The following CACUL1 variants were observed in gnomAD, a reference collection of about 807,000 sequenced individuals.
The protein encoded by CACUL1 is CDK2-associated and cullin domain-containing protein 1.
Under a neutral mutation model 45.2 loss-of-function variants are expected in CACUL1, and 13 were observed. The ratio of observed to expected loss-of-function variants is 0.29; its 90% confidence interval spans 0.19 to 0.46. The LOEUF (loss-of-function observed/expected upper bound fraction) is 0.46, where lower values mean the gene tolerates loss of function less well. Among genes scored for constraint, CACUL1 ranks in the 20% least tolerant of loss-of-function variants. CACUL1 has a pLI of 1.00. For missense variants in CACUL1, 421 were observed against 471.4 expected, an observed-to-expected ratio of 0.89 and a Z score of 0.99; for synonymous variants, 197 against 174.2, an observed-to-expected ratio of 1.13 and a Z score of -1.03.
intron 6 of CACUL1, 87 bp from the exon 7 acceptor site, chr10:118,691,490 T>A: frequency 1.6e-6 from 2 of 1,233,572 alleles, no homozygotes; most frequent in Non-Finnish European, 2.3e-6. Flanking sequence ...TTAAAATATA[T>A]AGTAAGCCAA....
intron 7 of CACUL1, among the ~76,000 whole-genome samples, chr10:118,690,999 C>T (rs540593031): frequency 5.3e-5 from 8 of 152,210 alleles, no homozygotes; most frequent in East Asian, 3.9e-4. Flanking sequence ...TGTGGTAAGC[C>T]GAGATTGTGC....
At chr10:118,733,625 G>A (rs1364045845) in intron 1 of CACUL1, among the ~76,000 whole-genome samples, 1 of 152,186 alleles carries the variant, frequency 6.6e-6, no homozygotes, top group Non-Finnish European at 1.5e-5. Flanking sequence ...GCCTCAGAGT[G>A]TGTGTGTAAT....
At chr10:118,753,433 T>C (rs1258758337) in intron 1 of CACUL1, among the ~76,000 whole-genome samples, 1 of 152,220 alleles carries the variant, frequency 6.6e-6, no homozygotes, top group Admixed American at 6.5e-5. Flanking sequence ...CTTTACCAGA[T>C]GCCACTCAAA....
chr10:118,751,123 G>A (rs1259580989), intron 1 of CACUL1, among the ~76,000 whole-genome samples: 1 of 152,068 alleles, frequency 6.6e-6, no homozygotes, highest in Non-Finnish European at 1.5e-5. Flanking sequence ...TTCTACAGAA[G>A]TTGCTGCCCT....
rs1845115490 is a variant in CACUL1, at chr10:118,678,130, G to A, written c.*7998C>T. On this transcript the variant is annotated 3_prime_UTR_variant, in exon 9 of 9. Transcript: ENST00000369151. ...GCCATTTCTGTTTCTTCTGTGAAAT[G>A]CCTGCTAGTGTTTGGGGTCCGTCTC... The A allele has an allele frequency of 6.6e-6, 1 of 152,200 alleles. No individual in the cohort carries two copies. Among genetic ancestry groups the A allele is most frequent in the Non-Finnish European group, 1.5e-5 (1 of 68,038 alleles). 9.4% of individuals were successfully genotyped at this position (152,200 alleles called of 1,614,324 possible).
At chr10:118,688,380 A>T (rs1589600848) in intron 7 of CACUL1, among the ~76,000 whole-genome samples, 2 of 152,374 alleles carry the variant, frequency 1.3e-5, no homozygotes, top group Admixed American at 6.5e-5. Context: ...GTTAATGATC[A>T]AAAAGGAAGA....
At chr10:118,737,411 A>G (rs1478223176) in intron 1 of CACUL1, among the ~76,000 whole-genome samples, 6 of 152,066 alleles carry the variant, frequency 3.9e-5, no homozygotes, top group African/African-American at 1.2e-4. Flanking sequence ...CTGATGTCTT[A>G]TTTTTATTTT....
At chr10:118,730,146 CGTAA>C (rs1289340495) in intron 2 of CACUL1, 134 bp downstream of exon 2, 1 of 953,456 alleles carries the variant, frequency 1.0e-6, no homozygotes, top group Non-Finnish European at 1.6e-6. Flanking sequence ...CCCTCCAATC[CGTAA>C]GTGTGGAATA....
intron 1 of CACUL1, among the ~76,000 whole-genome samples, chr10:118,733,417 A>G (rs1314498367): frequency 1.3e-5 from 2 of 152,202 alleles, no homozygotes; most frequent in Admixed American, 1.3e-4. Flanking sequence ...ATAGAAAGCC[A>G]ATTCAGTAAC....
intron 6 of CACUL1, among the ~76,000 whole-genome samples, chr10:118,694,594 C>T (rs1365020996): frequency 6.6e-6 from 1 of 152,174 alleles, no homozygotes; most frequent in African/African-American, 2.4e-5. Context: ...CCTTGGGATT[C>T]CTTTAAATTT....
chr10:118,678,815 T>C lies in CACUL1; in HGVS notation c.*7313A>G, dbSNP rs186114310. ...AAAAACTTATTTTCCTACTGAAGGG[T>C]ACAATGTGTTTTATGTATGTGTGTG... is the stretch of plus-strand genomic sequence containing the variant. On this transcript the variant is annotated 3_prime_UTR_variant, in exon 9 of 9. Transcript: ENST00000369151. The C allele has an allele frequency of 3.3e-5, 5 of 152,234 alleles. No homozygotes were observed. The highest frequency in any genetic ancestry group is 5.9e-5 in the Non-Finnish European group (4 of 68,044). The allele number at this position is 152,234 out of a possible 1,614,324, so 9.4% of individuals were successfully genotyped here.
At chr10:118,740,936 AAAAC>A (rs1235618237) in intron 1 of CACUL1, among the ~76,000 whole-genome samples, 52 of 152,198 alleles carry the variant, frequency 3.4e-4, no homozygotes, top group African/African-American at 1.3e-3. Flanking sequence ...AAAAAAAAAA[AAAAC>A]AAACAAAACT....
At chr10:118,733,639 G>C (rs185480531) in intron 1 of CACUL1, among the ~76,000 whole-genome samples, 57 of 152,218 alleles carry the variant, frequency 3.7e-4, no homozygotes, top group Admixed American at 3.1e-3. Flanking sequence ...GTGTAATCTT[G>C]AACTTAAAAA....
intron 3 of CACUL1, among the ~76,000 whole-genome samples, chr10:118,711,085 C>T (rs184114266): frequency 5.9e-5 from 9 of 152,240 alleles, no homozygotes; most frequent in Admixed American, 5.2e-4. Flanking sequence ...AATCCAACAA[C>T]ATTTTTGTTT....
At chr10:118,702,899 T>A (rs1242479039) in intron 4 of CACUL1, among the ~76,000 whole-genome samples, 1 of 152,132 alleles carries the variant, frequency 6.6e-6, no homozygotes, top group East Asian at 1.9e-4. Flanking sequence ...TTTTTCATAT[T>A]TAAGTGTTAA....
In CACUL1 at chr10:118,682,252, A is replaced by T. The variant is rs1038726052; in HGVS notation, c.*3876T>A. 1 of 152,234 alleles carries T rather than the reference A, an allele frequency of 6.6e-6. No homozygotes were observed. Among genetic ancestry groups the T allele is most frequent in the Admixed American group, 6.5e-5 (1 of 15,284 alleles). 9.4% of individuals were successfully genotyped at this position (152,234 alleles called of 1,614,324 possible). A position where few individuals can be genotyped will look rare whatever the true frequency, so the allele number is the denominator to read the frequency against. On this transcript the variant is annotated 3_prime_UTR_variant, in exon 9 of 9. Coordinates refer to ENST00000369151, the MANE Select transcript of CACUL1 (RefSeq NM_153810.5). ...GTAGGTTGTTTTGCTTTTTAGTTGC[A>T]AAGCTTTTCAGTATCTCAGATTAGT...
chr10:118,689,713 C>T (rs1377425660), intron 7 of CACUL1, among the ~76,000 whole-genome samples: 1 of 151,288 alleles, frequency 6.6e-6, no homozygotes, highest in Non-Finnish European at 1.5e-5. Context: ...AGCAGTCCTG[C>T]ACCCTGTTCT....
At chr10:118,726,336 T>A (rs986387017) in intron 3 of CACUL1, 1 of 1,287,996 alleles carries the variant, frequency 7.8e-7, no homozygotes, top group Non-Finnish European at 1.0e-6. Context: ...CTCTTTCCAT[T>A]AGTACAGGTC....
At chr10:118,750,374 G>C (rs917943002) in intron 1 of CACUL1, among the ~76,000 whole-genome samples, 1 of 152,056 alleles carries the variant, frequency 6.6e-6, no homozygotes. Flanking sequence ...TCATGGGTCT[G>C]TTTGGCCAGA....
Sources: gnomAD v4.1 joint callset for allele counts (sites outside exome capture counted in the v4.1 genomes callset) on GRCh38, gnomAD v4.1.1 for gene constraint, MANE v1.5 for transcripts, NCBI Gene and HGNC (gene_info 2026-07-23, HGNC 2026-07-21) for gene names.